The following ADCY8 variants were observed in gnomAD, a reference collection of about 807,000 sequenced individuals.
ADCY8 encodes the protein adenylate cyclase type 8.
ADCY8 carries 51 observed loss-of-function variants against 119.7 expected under a neutral mutation model. The ratio of observed to expected loss-of-function variants is 0.43; its 90% confidence interval spans 0.34 to 0.54. The LOEUF is 0.54. Ranked by LOEUF, ADCY8 falls within the 20% of genes least tolerant of loss-of-function variation. The probability of loss-of-function intolerance (pLI) is 0.03; values close to 1 mark genes in which losing one functional copy is unlikely to be tolerated. For missense variants in ADCY8, 1,383 were observed against 1,598.8 expected (o/e 0.87, Z 2.30); for synonymous variants, 665 against 651.0 (o/e 1.02, Z -0.33).
chr8:130,951,937 G>A lies in ADCY8; in HGVS notation c.1172C>T (p.Thr391Ile), dbSNP rs1175489269. ...CTGCAGGTGCTCATCTTCCACATTG[G>A]TCATGTCGTTGATCATTTCCAGGAC... ...FVVLEMINDM[T>I]NVEDEHLQHQ... Residue 391 changes from threonine (T) to isoleucine (I), a missense_variant, in exon 3 of 18, where the codon ACC becomes ATC. Thr to Ile is a moderately conservative substitution (Grantham distance 89, BLOSUM62 -1). Around this residue, in one of 2 missense-constraint regions of ADCY8, gnomAD observed 928 missense variants for 1,163.5 expected, o/e 0.80. Transcript: ENST00000286355. 2.5e-6 allele frequency: 4 copies of A among 1,613,976 alleles called. No individual in the cohort carries two copies. Among genetic ancestry groups the A allele is most frequent in the Admixed American group, 3.3e-5 (2 of 60,002 alleles).
intron 2 of ADCY8, among the ~76,000 whole-genome samples, chr8:130,961,839 T>C (rs144732295): frequency 2.0e-5 from 3 of 152,302 alleles, no homozygotes; most frequent in African/African-American, 7.2e-5. Flanking sequence ...TTTTCTGCAG[T>C]GACCAGTAAT....
At chr8:131,010,539 G>C (rs905990300) in intron 1 of ADCY8, among the ~76,000 whole-genome samples, 2 of 152,064 alleles carry the variant, frequency 1.3e-5, no homozygotes, top group East Asian at 3.9e-4. Flanking sequence ...AAAAGAGAGA[G>C]AGAAAAACAG....
chr8:130,861,416 A>T (rs942811188), intron 9 of ADCY8, among the ~76,000 whole-genome samples: 4 of 152,158 alleles, frequency 2.6e-5, no homozygotes, highest in African/African-American at 9.7e-5. Context: ...TGTTAAATTT[A>T]TATTTAAGTA....
intron 5 of ADCY8, among the ~76,000 whole-genome samples, chr8:130,924,028 C>A (rs1372193279): frequency 2.6e-5 from 4 of 152,150 alleles, no homozygotes; most frequent in Non-Finnish European, 4.4e-5. Flanking sequence ...TATGTTGATC[C>A]TTTGGGTATT....
intron 2 of ADCY8, among the ~76,000 whole-genome samples, chr8:130,961,619 C>T (rs868324729): frequency 2.0e-5 from 3 of 152,246 alleles, no homozygotes; most frequent in Middle Eastern, 6.8e-3. Context: ...TTCCACTTCC[C>T]TTCTTGTAAT....
chr8:130,817,824 G>A (rs1176549765), intron 13 of ADCY8, among the ~76,000 whole-genome samples: 1 of 152,176 alleles, frequency 6.6e-6, no homozygotes, highest in Non-Finnish European at 1.5e-5. Context: ...GTAACAAATA[G>A]TGAGGAGATG....
At chr8:130,991,752 T>A (rs1220302450) in intron 1 of ADCY8, among the ~76,000 whole-genome samples, 1 of 152,248 alleles carries the variant, frequency 6.6e-6, no homozygotes. Context: ...CAGACATCTA[T>A]TCTAATCTGA....
chr8:130,953,207 T>C (rs562674486), intron 2 of ADCY8, among the ~76,000 whole-genome samples: 3 of 152,178 alleles, frequency 2.0e-5, no homozygotes, highest in Non-Finnish European at 2.9e-5. Flanking sequence ...ATGATAATAA[T>C]AGGTCATGTG....
At chr8:130,855,137 T>C (rs977753059) in intron 9 of ADCY8, among the ~76,000 whole-genome samples, 4 of 147,890 alleles carry the variant, frequency 2.7e-5, no homozygotes, top group East Asian at 2.0e-4. Flanking sequence ...TTTTCCAGAG[T>C]CCATTAATTT....
chr8:130,869,871 TA>T (rs1207879768), intron 8 of ADCY8, among the ~76,000 whole-genome samples: 1 of 152,006 alleles, frequency 6.6e-6, no homozygotes, highest in Non-Finnish European at 1.5e-5. Context: ...AATGAAAATT[TA>T]AAAACAGCAG....
chr8:130,799,395 A>G (rs1815691842), intron 15 of ADCY8, among the ~76,000 whole-genome samples: 1 of 152,212 alleles, frequency 6.6e-6, no homozygotes, highest in Admixed American at 6.5e-5. Context: ...TTTGCACCAT[A>G]AATATATACA....
intron 2 of ADCY8, among the ~76,000 whole-genome samples, chr8:130,974,148 T>G (rs1822003432): frequency 6.6e-6 from 1 of 152,252 alleles, no homozygotes; most frequent in Non-Finnish European, 1.5e-5. Flanking sequence ...CCATTATCCC[T>G]TGATGGGTTT....
chr8:130,990,564 C>G lies in ADCY8; in HGVS notation c.961-22G>C, dbSNP rs757069109. On this transcript the variant is annotated intron_variant, in intron 1 of 17. Coordinates refer to ENST00000286355, the MANE Select transcript of ADCY8 (RefSeq NM_001115.3). ...CAACCTAAAATAAACACAGTCTGGT[C>G]AGGCGCTTAAAACAAAAGCTATTTA... 5.6e-6 allele frequency: 9 copies of G among 1,603,588 alleles called. No homozygotes were observed. In the East Asian group the frequency reaches 1.6e-4, roughly 28 times the overall value.
chr8:130,989,988 CT>C (rs1378672446), intron 2 of ADCY8, among the ~76,000 whole-genome samples: 4 of 152,098 alleles, frequency 2.6e-5, no homozygotes, highest in African/African-American at 9.7e-5. Flanking sequence ...GTGTAAGATT[CT>C]TCCATGCGCT....
chr8:130,989,395 T>A (rs1822504679), intron 2 of ADCY8, among the ~76,000 whole-genome samples: 1 of 152,088 alleles, frequency 6.6e-6, no homozygotes, highest in Non-Finnish European at 1.5e-5. Flanking sequence ...ATGAAGAAAA[T>A]GTTGAGTCTT....
At chr8:131,025,492 C>A (rs1823794398) in intron 1 of ADCY8, among the ~76,000 whole-genome samples, 1 of 152,160 alleles carries the variant, frequency 6.6e-6, no homozygotes, top group South Asian at 2.1e-4. Flanking sequence ...ACTCAACAAG[C>A]TTCTGATATG....
intron 8 of ADCY8, among the ~76,000 whole-genome samples, chr8:130,883,376 G>A (rs1818853710): frequency 6.6e-6 from 1 of 151,998 alleles, no homozygotes; most frequent in African/African-American, 2.4e-5. Flanking sequence ...CTTTTTTTGT[G>A]TGGGTTGAGT....
At chr8:130,961,499 T>C (rs1430861759) in intron 2 of ADCY8, among the ~76,000 whole-genome samples, 1 of 152,044 alleles carries the variant, frequency 6.6e-6, no homozygotes, top group Non-Finnish European at 1.5e-5. Context: ...CTCTCCCCAG[T>C]TGTTCACAGC....
At chr8:130,985,335 G>T (rs2130732129) in intron 2 of ADCY8, among the ~76,000 whole-genome samples, 1 of 152,270 alleles carries the variant, frequency 6.6e-6, no homozygotes, top group South Asian at 2.1e-4. Context: ...TGAAAGGAAA[G>T]TTACACCAGG....
Sources: allele counts gnomAD v4.1 joint callset (sites outside exome capture counted in the v4.1 genomes callset), GRCh38; gene constraint gnomAD v4.1.1; regional missense constraint gnomAD v4.1.1; transcripts MANE v1.5; gene names NCBI Gene and HGNC (gene_info 2026-07-23, HGNC 2026-07-21).